The following FILIP1 variants were observed in gnomAD, a reference collection of about 807,000 sequenced individuals.
FILIP1 encodes the protein filamin A interacting protein 1, also known as filamin-A-interacting protein 1.
In FILIP1, 61 loss-of-function variants were observed where a neutral mutation model predicts 102.1. The observed-to-expected ratio is 0.60, with a 90% CI of 0.49 to 0.74. The LOEUF (loss-of-function observed/expected upper bound fraction) is 0.74, where lower values mean the gene tolerates loss of function less well. Ranked by LOEUF, FILIP1 falls within the 30% of genes least tolerant of loss-of-function variation. The probability of loss-of-function intolerance (pLI) is 0.00; values close to 1 mark genes in which losing one functional copy is unlikely to be tolerated. For synonymous variants in FILIP1, 491 were observed against 526.9 expected (o/e 0.93, Z 0.93); for missense variants, 1,314 against 1,441.2 (o/e 0.91, Z 1.43).
intron 3 of FILIP1, chr6:75,362,110 A>G (rs1321553648): frequency 2.0e-5 from 3 of 152,232 alleles, no homozygotes; most frequent in East Asian, 1.9e-4. Flanking sequence ...TGAAGGGTCA[A>G]TGTGAAAAAC....
At chr6:75,459,376 C>T (rs1778945877) in intron 1 of FILIP1, among the ~76,000 whole-genome samples, 1 of 152,062 alleles carries the variant, frequency 6.6e-6, no homozygotes, top group African/African-American at 2.4e-5. Flanking sequence ...GGAGTAATTG[C>T]TTTAACCACA....
At chr6:75,412,272 C>G (rs184571450) in intron 2 of FILIP1, among the ~76,000 whole-genome samples, 158 of 152,098 alleles carry the variant, frequency 1.0e-3, no homozygotes, top group African/African-American at 3.6e-3. Context: ...ATTTTGTATC[C>G]GGAGACTTTG....
chr6:75,416,387 G>A (rs534934768), intron 1 of FILIP1, among the ~76,000 whole-genome samples: 1 of 151,886 alleles, frequency 6.6e-6, no homozygotes, highest in Non-Finnish European at 1.5e-5. Context: ...ATAAACCAAA[G>A]GAATATTTCT....
At chr6:75,335,593 A>G (rs1463818401) in intron 4 of FILIP1, among the ~76,000 whole-genome samples, 27 of 152,172 alleles carry the variant, frequency 1.8e-4, no homozygotes, top group Non-Finnish European at 2.9e-5. Flanking sequence ...CATTAGGTAA[A>G]TTAAACATTC....
intron 4 of FILIP1, among the ~76,000 whole-genome samples, chr6:75,321,990 G>A (rs886540052): frequency 6.6e-6 from 1 of 151,920 alleles, no homozygotes; most frequent in African/African-American, 2.4e-5. Flanking sequence ...GGGAGCCATG[G>A]AGAAACACAG....
chr6:75,335,129 C>A (rs1336728518), intron 4 of FILIP1, among the ~76,000 whole-genome samples: 3 of 152,148 alleles, frequency 2.0e-5, no homozygotes, highest in Non-Finnish European at 4.4e-5. Context: ...AAATAGGGAT[C>A]CCACTAGAGC....
intron 1 of FILIP1, among the ~76,000 whole-genome samples, chr6:75,421,328 A>G (rs1239204895): frequency 1.3e-5 from 2 of 152,130 alleles, no homozygotes; most frequent in Non-Finnish European, 2.9e-5. Flanking sequence ...TAGAAAGTAA[A>G]AGAGATGCAA....
intron 5 of FILIP1, among the ~76,000 whole-genome samples, chr6:75,311,664 T>C (rs987226281): frequency 9.9e-5 from 15 of 152,078 alleles, no homozygotes; most frequent in Non-Finnish European, 2.1e-4. Context: ...GCTCAGCTAA[T>C]TTTTGTATTT....
intron 1 of FILIP1, among the ~76,000 whole-genome samples, chr6:75,485,988 CACACACACAT>C (rs1242890191): frequency 8.3e-4 from 117 of 140,408 alleles, no homozygotes; most frequent in African/African-American, 3.3e-3. Flanking sequence ...CACACACACA[CACACACACAT>C]ACACACACAC....
chr6:75,361,610 C>G (rs1045022784), intron 3 of FILIP1, among the ~76,000 whole-genome samples: 2 of 152,146 alleles, frequency 1.3e-5, no homozygotes, highest in Non-Finnish European at 2.9e-5. Flanking sequence ...TTGCTGAGTA[C>G]TTAGAATATG....
At chr6:75,349,476 T>TTC (rs1433485059) in intron 4 of FILIP1, among the ~76,000 whole-genome samples, 2 of 152,130 alleles carry the variant, frequency 1.3e-5, no homozygotes, top group Non-Finnish European at 2.9e-5. Context: ...CAGGCTTATC[T>TTC]CAAACTTCAC....
intron 2 of FILIP1, among the ~76,000 whole-genome samples, chr6:75,365,607 G>A (rs574048311): frequency 1.1e-4 from 17 of 152,210 alleles, no homozygotes; most frequent in African/African-American, 3.4e-4. Flanking sequence ...GGCTGGTCTC[G>A]AACTCCTGAC....
chr6:75,464,931 A>T (rs1467360694), intron 1 of FILIP1, among the ~76,000 whole-genome samples: 1 of 152,158 alleles, frequency 6.6e-6, no homozygotes, highest in African/African-American at 2.4e-5. Context: ...CATAGAAAAT[A>T]TATCCAGAAT....
At chr6:75,456,577 T>C (rs76574050) in intron 1 of FILIP1, among the ~76,000 whole-genome samples, 1 of 151,714 alleles carries the variant, frequency 6.6e-6, no homozygotes, top group East Asian at 1.9e-4. Context: ...TTTTTTTTTT[T>C]TTGAGACTGA....
intron 1 of FILIP1, among the ~76,000 whole-genome samples, chr6:75,437,061 C>T (rs973804494): frequency 6.6e-6 from 1 of 152,034 alleles, no homozygotes; most frequent in Admixed American, 6.5e-5. Context: ...TCCATGCAGA[C>T]GGAATCAGAT....
intron 1 of FILIP1, among the ~76,000 whole-genome samples, chr6:75,443,030 T>C (rs937222153): frequency 6.6e-6 from 1 of 152,232 alleles, no homozygotes; most frequent in African/African-American, 2.4e-5. Context: ...GGAGTGAAAG[T>C]GTAAAGTTTC....
chr6:75,294,011 T>G (rs1275093950), exon 7 of FILIP1: 1 of 152,220 alleles, frequency 6.6e-6, no homozygotes. Flanking sequence ...TTCACAATCA[T>G]TCAAGCTATG....
At chr6:75,480,349 C>G (rs1468696935) in intron 1 of FILIP1, among the ~76,000 whole-genome samples, 1 of 130,568 alleles carries the variant, frequency 7.7e-6, no homozygotes, top group East Asian at 2.0e-4. Flanking sequence ...ATCTCTTCAT[C>G]TGATATGAAC....
intron 1 of FILIP1, among the ~76,000 whole-genome samples, chr6:75,491,382 T>G (rs1779952098): frequency 6.6e-6 from 1 of 151,934 alleles, no homozygotes; most frequent in Non-Finnish European, 1.5e-5. Flanking sequence ...TGATGGAAGG[T>G]TTTCAAAATA....
Sources: allele counts gnomAD v4.1 joint callset (sites outside exome capture counted in the v4.1 genomes callset), GRCh38; gene constraint gnomAD v4.1.1; transcripts MANE v1.5; gene names NCBI Gene and HGNC (gene_info 2026-07-23, HGNC 2026-07-21).